CASZ1: variants seen among roughly 807,000 people sequenced by gnomAD.
CASZ1 encodes zinc finger protein castor homolog 1.
Under a neutral mutation model 135.2 loss-of-function variants are expected in CASZ1, and 28 were observed. That is an observed-to-expected ratio of 0.21 (90% CI 0.15 to 0.28). The LOEUF is 0.28. Ranked by LOEUF, CASZ1 falls within the 10% of genes least tolerant of loss-of-function variation. The pLI, the probability that CASZ1 is intolerant of heterozygous loss-of-function variation, is 1.00. For synonymous variants in CASZ1, 1,068 were observed against 1,073.4 expected (o/e 0.99, Z 0.10); for missense variants, 2,161 against 2,453.3 (o/e 0.88, Z 2.52).
chr1:10,721,906 C>T lies in CASZ1; in HGVS notation c.-76-16362G>A, dbSNP rs535764941. On this transcript the variant is annotated intron_variant, in intron 2 of 20. Transcript: ENST00000377022. The surrounding 1 kb of genome is among the most constrained non-coding windows in gnomAD (Gnocchi z 5.4). ...GGGGCCAGGGCAGCCTCTTCGGGTC[C>T]GCCCAGCTGCCACTCCCACCTGTCT... Among the ~76,000 whole-genome samples, 939 of 152,328 alleles carry T rather than the reference C, an allele frequency of 6.2e-3. 4 individuals are homozygous for T. The highest frequency in any genetic ancestry group is 7.8e-3 in the Non-Finnish European group (532 of 68,028).
intron 15 of CASZ1, 176 bp downstream of exon 15, chr1:10,648,894 G>T: frequency 1.2e-6 from 1 of 826,848 alleles, no homozygotes; most frequent in Non-Finnish European, 1.8e-6. Context: ...CCGGCTGAGG[G>T]CTGCATGTGT....
Position 10,764,351 on chromosome 1 carries a change from G to A in CASZ1, c.-233-3494C>T, listed in dbSNP as rs531076503. Among the ~76,000 whole-genome samples the A allele has an allele frequency of 3.3e-5, 5 of 152,318 alleles. No homozygotes were observed. In the South Asian group the frequency reaches 6.2e-4, roughly 19 times the overall value. On this transcript the variant is annotated intron_variant, in intron 1 of 20. Transcript: ENST00000377022. Reference sequence around the variant, plus strand: ...ACCATGTGCCTACTATGTGCCAGGCGGCAGGCTGGGCATAAGGGCACACTG... The same window carrying A: ...ACCATGTGCCTACTATGTGCCAGGCAGCAGGCTGGGCATAAGGGCACACTG...
intron 2 of CASZ1, among the ~76,000 whole-genome samples, chr1:10,752,347 C>G (rs1054596964): frequency 2.0e-5 from 3 of 152,234 alleles, no homozygotes; most frequent in Non-Finnish European, 4.4e-5. Context: ...GTGGCCTCCT[C>G]TGGAGAGGCC....
chr1:10,729,885 A>T (rs150134409), intron 2 of CASZ1, among the ~76,000 whole-genome samples: 1 of 149,816 alleles, frequency 6.7e-6, no homozygotes, highest in Admixed American at 6.6e-5. Flanking sequence ...GTGCTATCTC[A>T]GCTCACTGCA....
At chr1:10,648,283 C>A in intron 15 of CASZ1, 144 bp from the exon 16 acceptor site, 1 of 623,164 alleles carries the variant, frequency 1.6e-6, no homozygotes, top group Non-Finnish European at 2.7e-6. Context: ...CCCTGTGACC[C>A]CACCAGGACA....
At chr1:10,779,004 C>A (rs986220161) in intron 1 of CASZ1, among the ~76,000 whole-genome samples, 1 of 152,196 alleles carries the variant, frequency 6.6e-6, no homozygotes, top group Non-Finnish European at 1.5e-5. Flanking sequence ...AAGACCACTG[C>A]AAGAAGCGAA....
chr1:10,754,797 G>T (rs564402554), intron 2 of CASZ1, among the ~76,000 whole-genome samples: 41 of 152,356 alleles, frequency 2.7e-4, no homozygotes, highest in Admixed American at 2.7e-3. Flanking sequence ...TTTGACTTGA[G>T]TCGGTGAAGC....
chr1:10,656,692 T>C lies in CASZ1; in HGVS notation c.1454A>G (p.Gln485Arg). The C allele has an allele frequency of 1.2e-6, 2 of 1,604,170 alleles. No homozygotes were observed. The highest frequency in any genetic ancestry group is 1.7e-6 in the Non-Finnish European group (2 of 1,176,286). ...AAGGCAGTGGTAGTGCTCGCGGTAC[T>C]GGTAGGCACAGTGGATGTGGCCACA... ...QHCGHIHCAY[Q>R]YREHYHCLDP... is the part of the protein sequence containing the mutation. Residue 485 changes from glutamine to arginine, a missense_variant, in exon 8 of 21, where the codon CAG becomes CGG. Coordinates refer to ENST00000377022, the MANE Select transcript of CASZ1 (RefSeq NM_001079843.3).
rs774534582 is a variant in CASZ1 at position 10,646,079 on chromosome 1, A to G, written c.3696+49T>C. 5 of 1,581,866 alleles carry G rather than the reference A, an allele frequency of 3.2e-6. No homozygotes were observed. In the South Asian group the frequency reaches 5.6e-5, roughly 18 times the overall value. On this transcript the variant is annotated intron_variant, in intron 17 of 20. Coordinates refer to ENST00000377022, the MANE Select transcript of CASZ1 (RefSeq NM_001079843.3). This position sits in a 1 kb window ranked among gnomAD's most constrained non-coding sequence, Gnocchi z 6.4. ...GTCCTGTGCCCTGAGCTAGCCCTGC[A>G]CCTCCCTGCCCCCTACTCTGCCCCT...
chr1:10,770,119 C>T (rs1346861647), intron 1 of CASZ1, among the ~76,000 whole-genome samples: 3 of 151,986 alleles, frequency 2.0e-5, no homozygotes, highest in Non-Finnish European at 4.4e-5. Flanking sequence ...GGGCCTGGCT[C>T]TGTCACTCAG....
At position 10,721,519 on chromosome 1, in the gene CASZ1, TC is replaced by T. The variant is rs2100485921; in HGVS notation, c.-76-15976del. On this transcript the variant is annotated intron_variant, in intron 2 of 20. Coordinates refer to ENST00000377022, the MANE Select transcript of CASZ1 (RefSeq NM_001079843.3). This position sits in a 1 kb window ranked among gnomAD's most constrained non-coding sequence, Gnocchi z 5.4. ...ATCATTTTCATAGGATCTCCTCCAT[TC>T]CCGGCTCGCAGGGAGCTTGAAACCA... Among the ~76,000 whole-genome samples, 1 of 152,302 alleles carries T rather than the reference TC, an allele frequency of 6.6e-6. No individual in the cohort carries two copies. Among genetic ancestry groups the T allele is most frequent in the Admixed American group, 6.5e-5 (1 of 15,308 alleles).
At chr1:10,779,104 T>C (rs906969555) in intron 1 of CASZ1, among the ~76,000 whole-genome samples, 2 of 152,154 alleles carry the variant, frequency 1.3e-5, no homozygotes, top group African/African-American at 4.8e-5. Context: ...GAAAGTTTGT[T>C]GTTGAGGTTC....
rs1640405688 is a variant in CASZ1, at chr1:10,762,924, C to G, written c.-233-2067G>C. Among the ~76,000 whole-genome samples, 1 of 152,214 alleles carries G rather than the reference C, an allele frequency of 6.6e-6. No homozygotes were observed. Among genetic ancestry groups the G allele is most frequent in the Admixed American group, 6.5e-5 (1 of 15,278 alleles). ...TGGTGGGACGCTCGTTGGGCTTCTT[C>G]CAGCGGAAAGTGGGGCCTGCCCAGG... On this transcript the variant is annotated intron_variant, in intron 1 of 20. Transcript: ENST00000377022. This position sits in a 1 kb window ranked among gnomAD's most constrained non-coding sequence, Gnocchi z 4.1.
rs1429356520 is a variant in CASZ1, at chr1:10,717,807, G to A, written c.-76-12263C>T. Reference sequence around the variant, plus strand: ...GCCGAAGGGAGCTATGAATAGAGACGTCCTGCACCGGAGGACGTCCTCATA... The same window carrying A: ...GCCGAAGGGAGCTATGAATAGAGACATCCTGCACCGGAGGACGTCCTCATA... On this transcript the variant is annotated intron_variant, in intron 2 of 20. Coordinates refer to ENST00000377022, the MANE Select transcript of CASZ1 (RefSeq NM_001079843.3). This position sits in a 1 kb window ranked among gnomAD's most constrained non-coding sequence, Gnocchi z 4.6. 6.6e-6 allele frequency among the ~76,000 whole-genome samples: 1 copy of A among 152,182 alleles called. No homozygotes were observed. The highest frequency in any genetic ancestry group is 1.5e-5 in the Non-Finnish European group (1 of 68,030).
intron 4 of CASZ1, among the ~76,000 whole-genome samples, chr1:10,678,488 C>T (rs965956301): frequency 4.4e-5 from 6 of 136,934 alleles, no homozygotes; most frequent in Non-Finnish European, 6.7e-5. Context: ...GGGGCAGCAC[C>T]GCCCCCGCGA....
At chr1:10,783,647 T>C (rs1640802192) in intron 1 of CASZ1, among the ~76,000 whole-genome samples, 1 of 151,818 alleles carries the variant, frequency 6.6e-6, no homozygotes, top group Non-Finnish European at 1.5e-5. Flanking sequence ...CCTAGGTGGG[T>C]GGATCACTTG....
chr1:10,648,536 G>A, intron 15 of CASZ1: 1 of 217,280 alleles, frequency 4.6e-6, no homozygotes. Context: ...TACGCGGTCG[G>A]AAAAGCCTTG....
intron 2 of CASZ1, among the ~76,000 whole-genome samples, chr1:10,752,355 G>A (rs1640164943): frequency 6.6e-6 from 1 of 152,176 alleles, no homozygotes; most frequent in African/African-American, 2.4e-5. Context: ...CTCTGGAGAG[G>A]CCCCTAGACT....
At chr1:10,702,284 T>C (rs4845951) in intron 3 of CASZ1, among the ~76,000 whole-genome samples, 7,849 of 152,174 alleles carry the variant, frequency 0.052, 313 homozygotes, top group East Asian at 0.088. Flanking sequence ...CTGCACCCTT[T>C]CAAGGAGCGC....
Sources: gnomAD v4.1 joint callset for allele counts (sites outside exome capture counted in the v4.1 genomes callset) on GRCh38, gnomAD v4.1.1 for gene constraint, Gnocchi (gnomAD v3.1) non-coding constraint, MANE v1.5 for transcripts, NCBI Gene and HGNC (gene_info 2026-07-23, HGNC 2026-07-21) for gene names.